The following CPNE4 variants were observed in gnomAD, a reference collection of about 807,000 sequenced individuals.
The protein encoded by CPNE4 is copine 4.
Under a neutral mutation model 67.9 loss-of-function variants are expected in CPNE4, and 25 were observed. The observed-to-expected ratio is 0.37, with a 90% CI of 0.27 to 0.51. The LOEUF (loss-of-function observed/expected upper bound fraction) is 0.51. Ranked by LOEUF, CPNE4 falls within the 20% of genes least tolerant of loss-of-function variation. The probability of loss-of-function intolerance (pLI) is 0.93; values close to 1 mark genes in which losing one functional copy is unlikely to be tolerated. For missense variants in CPNE4, 464 were observed against 690.8 expected, an observed-to-expected ratio of 0.67 and a Z score of 3.68; for synonymous variants, 242 against 244.9, an observed-to-expected ratio of 0.99 and a Z score of 0.11.
intron 1 of CPNE4, among the ~76,000 whole-genome samples, chr3:131,942,765 C>T (rs1032278280): frequency 6.6e-6 from 1 of 152,088 alleles, no homozygotes; most frequent in Non-Finnish European, 1.5e-5. Context: ...TAAAGCAAGG[C>T]ATTGCCATAT....
chr3:131,767,128 A>G (rs1024513325), intron 2 of CPNE4, among the ~76,000 whole-genome samples: 11 of 152,132 alleles, frequency 7.2e-5, no homozygotes, highest in African/African-American at 2.7e-4. Flanking sequence ...GCATTAATAT[A>G]TGTGTGCAAG....
intron 1 of CPNE4, among the ~76,000 whole-genome samples, chr3:131,965,334 A>G (rs1412892629): frequency 6.6e-6 from 1 of 152,250 alleles, no homozygotes; most frequent in African/African-American, 2.4e-5. Context: ...CAAAATAACC[A>G]GCTAGTATCA....
chr3:131,580,901 C>T (rs1173535982), intron 9 of CPNE4, among the ~76,000 whole-genome samples: 1 of 152,044 alleles, frequency 6.6e-6, no homozygotes, highest in African/African-American at 2.4e-5. Context: ...AGGCTGGGCA[C>T]GGTGGGTCAT....
chr3:131,666,010 T>A (rs972702616), intron 7 of CPNE4, among the ~76,000 whole-genome samples: 2 of 152,080 alleles, frequency 1.3e-5, no homozygotes, highest in African/African-American at 4.8e-5. Context: ...TGGTATTAGA[T>A]AAGTTGTTTA....
intron 1 of CPNE4, among the ~76,000 whole-genome samples, chr3:131,957,106 G>C (rs191654779): frequency 6.6e-6 from 1 of 152,304 alleles, no homozygotes; most frequent in Non-Finnish European, 1.5e-5. Context: ...GAATTGGGAT[G>C]CAAAATAACC....
chr3:131,858,247 C>T (rs948254680), intron 2 of CPNE4, among the ~76,000 whole-genome samples: 1 of 152,028 alleles, frequency 6.6e-6, no homozygotes, highest in African/African-American at 2.4e-5. Context: ...TCAATTCCAG[C>T]TTCATACTTT....
intron 2 of CPNE4, among the ~76,000 whole-genome samples, chr3:131,812,036 T>A (rs1028856575): frequency 6.6e-6 from 1 of 152,098 alleles, no homozygotes; most frequent in African/African-American, 2.4e-5. Context: ...TGGAAATCAA[T>A]AGTCCTCACT....
At chr3:131,723,397 G>A (rs756582114) in intron 3 of CPNE4, 49 bp downstream of exon 3, 1 of 1,526,252 alleles carries the variant, frequency 6.6e-7, no homozygotes, top group Non-Finnish European at 9.0e-7. Flanking sequence ...GGGGCAGGAA[G>A]AAAGGCCCTA....
rs1479986012 is a variant in CPNE4, at chr3:131,552,510, T to G, written c.1117-19A>C. 1.2e-6 allele frequency: 2 copies of G among 1,606,270 alleles called. No homozygotes were observed. Among genetic ancestry groups the G allele is most frequent in the Non-Finnish European group, 1.7e-6 (2 of 1,174,208 alleles). On this transcript the variant is annotated intron_variant, in intron 12 of 15. Transcript: ENST00000429747. ...GAGAGACCTAGACACCGATTAAAAT[T>G]TAAAAAACAGGAAGAAAGAAGAATT...
At chr3:131,712,186 G>A (rs927319539) in intron 3 of CPNE4, among the ~76,000 whole-genome samples, 5 of 152,092 alleles carry the variant, frequency 3.3e-5, no homozygotes, top group South Asian at 2.1e-4. Context: ...GTCAGCATGC[G>A]GGTCTTATTA....
chr3:131,984,310 C>G (rs2072987912), intron 1 of CPNE4, among the ~76,000 whole-genome samples: 1 of 152,200 alleles, frequency 6.6e-6, no homozygotes. Context: ...ATGGTTACAA[C>G]AGTACCGTTT....
At chr3:131,656,637 T>C (rs2079976939) in intron 7 of CPNE4, among the ~76,000 whole-genome samples, 1 of 152,212 alleles carries the variant, frequency 6.6e-6, no homozygotes, top group African/African-American at 2.4e-5. Context: ...GGGCTGAGGA[T>C]ATAGAGGTGA....
intron 1 of CPNE4, among the ~76,000 whole-genome samples, chr3:131,914,891 G>A (rs1338846450): frequency 2.0e-5 from 3 of 152,092 alleles, no homozygotes; most frequent in East Asian, 1.9e-4. Context: ...CAGGAGAATC[G>A]CTTGAACCCA....
intron 7 of CPNE4, among the ~76,000 whole-genome samples, chr3:131,592,299 C>G (rs1443572611): frequency 1.3e-5 from 2 of 152,166 alleles, no homozygotes; most frequent in South Asian, 2.1e-4. Flanking sequence ...GATGAGGAAA[C>G]TGAGGCACAG....
intron 2 of CPNE4, among the ~76,000 whole-genome samples, chr3:131,730,711 C>G (rs1295104719): frequency 6.6e-6 from 1 of 152,160 alleles, no homozygotes; most frequent in African/African-American, 2.4e-5. Context: ...GGTGCAATCT[C>G]TTGTTCCTCA....
At position 131,931,990 on chromosome 3, in the gene CPNE4, C is replaced by G. The variant is rs1308351317; in HGVS notation, c.-1-26546G>C. ...TTTGGTACCATGATACAAGTGAACA[C>G]CAACCATATATGGCTATAACTACCA... On this transcript the variant is annotated intron_variant, in intron 1 of 15. Coordinates refer to ENST00000429747, the MANE Select transcript of CPNE4 (RefSeq NM_130808.3). Among the ~76,000 whole-genome samples, 4 of 152,182 alleles carry G rather than the reference C, an allele frequency of 2.6e-5. No individual in the cohort carries two copies. In the East Asian group the frequency reaches 7.7e-4, roughly 29 times the overall value.
At chr3:131,556,865 T>C (rs1049067326) in intron 11 of CPNE4, among the ~76,000 whole-genome samples, 2 of 152,114 alleles carry the variant, frequency 1.3e-5, no homozygotes, top group Admixed American at 6.5e-5. Context: ...CATTTATTGA[T>C]GCATACAATG....
At chr3:131,747,734 C>T (rs2082527950) in intron 2 of CPNE4, among the ~76,000 whole-genome samples, 1 of 152,178 alleles carries the variant, frequency 6.6e-6, no homozygotes, top group Non-Finnish European at 1.5e-5. Context: ...CTCACTTACT[C>T]ATTCTAGAAT....
At chr3:131,948,007 A>G (rs1285160527) in intron 1 of CPNE4, among the ~76,000 whole-genome samples, 1 of 151,906 alleles carries the variant, frequency 6.6e-6, no homozygotes, top group Non-Finnish European at 1.5e-5. Flanking sequence ...TAAGTCTTTC[A>G]CTCTGTGAAC....
Sources: allele counts gnomAD v4.1 joint callset (sites outside exome capture counted in the v4.1 genomes callset), GRCh38; gene constraint gnomAD v4.1.1; transcripts MANE v1.5; gene names NCBI Gene and HGNC (gene_info 2026-07-23, HGNC 2026-07-21).